HAS2: variants seen among roughly 807,000 people sequenced by gnomAD.
HAS2 encodes the protein hyaluronan synthase 2.
In HAS2, 16 loss-of-function variants were observed where a neutral mutation model predicts 51.6. That is an observed-to-expected ratio of 0.31 (90% CI 0.21 to 0.47). HAS2 has a LOEUF of 0.47. Among genes scored for constraint, HAS2 ranks in the 20% least tolerant of loss-of-function variants. The pLI is 1.00. For synonymous variants in HAS2, 228 were observed against 235.5 expected (o/e 0.97, Z 0.29); for missense variants, 361 against 662.6 (o/e 0.54, Z 5.00).
chr8:121,635,256 T>C (rs1251180952), intron 1 of HAS2, among the ~76,000 whole-genome samples: 2 of 152,202 alleles, frequency 1.3e-5, no homozygotes, highest in African/African-American at 2.4e-5. Flanking sequence ...GAGCAAGTTA[T>C]ACAACACTTG....
At chr8:121,618,080 A>T (rs1178456413) in intron 2 of HAS2, among the ~76,000 whole-genome samples, 1 of 151,772 alleles carries the variant, frequency 6.6e-6, no homozygotes. Context: ...ATAACTGTGT[A>T]TTCCTAATAG....
At chr8:121,639,280 C>T (rs1813055356) in intron 1 of HAS2, 1 of 152,252 alleles carries the variant, frequency 6.6e-6, no homozygotes, top group African/African-American at 2.4e-5. Flanking sequence ...ACACCTCCCC[C>T]GTGTGTGACG....
chr8:121,627,611 C>G (rs11990021), intron 2 of HAS2, among the ~76,000 whole-genome samples: 9,748 of 152,198 alleles, frequency 0.064, 329 homozygotes, highest in Middle Eastern at 0.068. Flanking sequence ...TTAATTTATT[C>G]TATCCAGAAA....
At chr8:121,616,502 T>A (rs1812704601) in intron 3 of HAS2, among the ~76,000 whole-genome samples, 1 of 151,822 alleles carries the variant, frequency 6.6e-6, no homozygotes, top group Admixed American at 6.6e-5. Context: ...AGTGGCATGA[T>A]CTCGGCTCAT....
At chr8:121,621,719 T>A (rs574209875) in intron 2 of HAS2, among the ~76,000 whole-genome samples, 28 of 152,304 alleles carry the variant, frequency 1.8e-4, no homozygotes, top group Admixed American at 3.9e-4. Context: ...AATCTTAAAG[T>A]TAATTTATCT....
chr8:121,632,750 A>G (rs1286733395), intron 1 of HAS2, among the ~76,000 whole-genome samples: 1 of 146,572 alleles, frequency 6.8e-6, no homozygotes, highest in Non-Finnish European at 1.5e-5. Context: ...CATCATCATC[A>G]TCATCATCAT....
chr8:121,615,028 T>C lies in HAS2; in HGVS notation c.740A>G (p.Lys247Arg). 3.8e-6 allele frequency: 6 copies of C among 1,594,698 alleles called. No individual in the cohort carries two copies. Among genetic ancestry groups the C allele is most frequent in the Non-Finnish European group, 5.1e-6 (6 of 1,171,684 alleles). ...GAGGAATGAGATCCAGGAATCGTAC[T>C]TGTTTAAAATCTGCAAGAAGAAAAA... The part of the protein sequence containing the change: ...GVGGDVQILN[K>R]YDSWISFLSS... The change falls in exon 4 of 4, where the codon AAG becomes AGG. Residue 247 changes from lysine (K) to arginine (R), a missense_variant. Physicochemically the swap from Lys to Arg is conservative, Grantham distance 26. Coordinates refer to ENST00000303924, the MANE Select transcript of HAS2 (RefSeq NM_005328.3).
In HAS2 at chr8:121,614,770, C is replaced by T. The variant is rs1228094693; in HGVS notation, c.998G>A (p.Arg333Gln). The T allele has an allele frequency of 1.9e-6, 3 of 1,614,188 alleles. No homozygotes were observed. The highest frequency in any genetic ancestry group is 2.5e-6 in the Non-Finnish European group (3 of 1,180,036). ...SLGYATKYTA[R>Q]SKCLTETPIE... ...AGGTGTTTCAGTAAGGCACTTAGAT[C>T]GAGCTGTGTATTTTGTTGCATAGCC... The change falls in exon 4 of 4, where the codon CGA becomes CAA. Residue 333 changes from arginine to glutamine, a missense_variant. Arg to Gln is a conservative substitution (Grantham distance 43). This residue lies in a region of HAS2 where 106 missense variants were observed against 241.0 expected (regional missense o/e 0.44). Coordinates refer to ENST00000303924, the MANE Select transcript of HAS2 (RefSeq NM_005328.3). This position sits in a 1 kb window ranked among gnomAD's most constrained non-coding sequence, Gnocchi z 7.2.
In HAS2 at chr8:121,614,328, T is replaced by C. The variant is rs1563619146; in HGVS notation, c.1440A>G (p.Pro480=). The change falls in exon 4 of 4, where the codon CCA becomes CCG. Residue 480 remains proline, a synonymous_variant. Coordinates refer to ENST00000303924, the MANE Select transcript of HAS2 (RefSeq NM_005328.3). The surrounding 1 kb of genome is among the most constrained non-coding windows in gnomAD (Gnocchi z 7.2). ...TIVVNFIGLI[P]VSVWFTILLG... ...GGAGGATTGTAAACCAAACTGATAC[T>C]GGAATGAGTCCTATGAAATTAACAA... is the stretch of plus-strand genomic sequence containing the variant. 3.7e-6 allele frequency: 6 copies of C among 1,613,984 alleles called. No individual in the cohort carries two copies. The African/African-American group carries it at 8.0e-5, about 22-fold the overall frequency.
intron 3 of HAS2, among the ~76,000 whole-genome samples, chr8:121,616,790 T>C (rs770565741): frequency 1.3e-5 from 2 of 152,208 alleles, no homozygotes; most frequent in Non-Finnish European, 2.9e-5. Context: ...GAACATGAAA[T>C]ATTAAGTTAT....
rs1213885463 is a variant in HAS2, at chr8:121,629,058, C to T, written c.283G>A (p.Asp95Asn). ...VALCIAAYQE[D>N]PDYLRKCLQS... ...AAACATTTCCTTAAGTAGTCTGGATCTTCTTGATAGGCAGCGATGCAAAGG... is the reference window on the plus strand; with the variant it reads ...AAACATTTCCTTAAGTAGTCTGGATTTTCTTGATAGGCAGCGATGCAAAGG... The change falls in exon 2 of 4, where the codon GAT becomes AAT. Residue 95 changes from aspartate to asparagine, a missense_variant. Transcript: ENST00000303924. 1 of 1,613,976 alleles carries T rather than the reference C, an allele frequency of 6.2e-7. No individual in the cohort carries two copies. The highest frequency in any genetic ancestry group is 8.5e-7 in the Non-Finnish European group (1 of 1,179,992).
At chr8:121,617,806 T>C (rs572322713) in intron 2 of HAS2, among the ~76,000 whole-genome samples, 1 of 152,276 alleles carries the variant, frequency 6.6e-6, no homozygotes, top group East Asian at 1.9e-4. Flanking sequence ...AAAGATTGTA[T>C]AGTTCTAAAG....
chr8:121,622,195 G>A (rs1006325443), intron 2 of HAS2, among the ~76,000 whole-genome samples: 19 of 152,096 alleles, frequency 1.2e-4, no homozygotes, highest in African/African-American at 4.6e-4. Context: ...GTAAAAAGGG[G>A]TAATGGCAGG....
At chr8:121,619,080 T>G (rs897169295) in intron 2 of HAS2, among the ~76,000 whole-genome samples, 4 of 152,060 alleles carry the variant, frequency 2.6e-5, no homozygotes, top group Non-Finnish European at 2.9e-5. Context: ...CCCAACATTT[T>G]TAAAAGCATC....
chr8:121,621,359 T>C (rs1470510093), intron 2 of HAS2, among the ~76,000 whole-genome samples: 3 of 152,188 alleles, frequency 2.0e-5, no homozygotes, highest in African/African-American at 7.2e-5. Context: ...CAAGAAGCCT[T>C]AAAGTCTGAA....
chr8:121,633,511 T>G (rs1208611548), intron 1 of HAS2, among the ~76,000 whole-genome samples: 1 of 152,184 alleles, frequency 6.6e-6, no homozygotes. Context: ...GACACAAGGC[T>G]AGCCAATACT....
intron 2 of HAS2, 94 bp from the exon 3 acceptor site, chr8:121,617,300 A>C (rs1812716793): frequency 4.3e-6 from 3 of 690,062 alleles, no homozygotes; most frequent in Admixed American, 2.8e-5. Flanking sequence ...CTGTGTCCTC[A>C]TCTTACTGTC....
intron 1 of HAS2, among the ~76,000 whole-genome samples, chr8:121,633,910 GGGTTTT>G (rs1812971098): frequency 2.2e-5 from 3 of 137,572 alleles, no homozygotes; most frequent in African/African-American, 7.9e-5. Flanking sequence ...TTGTTTTTTT[GGGTTTT>G]TTTTTTTTTT....
Position 121,638,722 on chromosome 8 carries a change from G to C in HAS2, c.-1+2131C>G, listed in dbSNP as rs182371132. ...AACTATTGGGAAAACTTTTGGTGGA[G>C]TATGATGGGTACTCAAAATACAGTA... On this transcript the variant is annotated intron_variant, in intron 1 of 3. Coordinates refer to ENST00000303924, the MANE Select transcript of HAS2 (RefSeq NM_005328.3). Among the ~76,000 whole-genome samples the C allele has an allele frequency of 6.7e-3, 1,015 of 152,296 alleles. 25 individuals are homozygous for C. The highest frequency in any genetic ancestry group is 0.049 in the Admixed American group (754 of 15,298).
Sources: gnomAD v4.1 joint callset for allele counts (sites outside exome capture counted in the v4.1 genomes callset) on GRCh38, gnomAD v4.1.1 for gene constraint, gnomAD v4.1.1 regional missense constraint, Gnocchi (gnomAD v3.1) non-coding constraint, MANE v1.5 for transcripts, NCBI Gene and HGNC (gene_info 2026-07-23, HGNC 2026-07-21) for gene names.